Variants in GRK7 observed in about 807,000 individuals in gnomAD.
GRK7 encodes the protein rhodopsin kinase GRK7.
In GRK7, 24 loss-of-function variants were observed where a neutral mutation model predicts 34.1. That is an observed-to-expected ratio of 0.70 (90% CI 0.51 to 0.99). GRK7 has a LOEUF of 0.99. Ranked by LOEUF, GRK7 falls within the 50% of genes least tolerant of loss-of-function variation. The pLI, the probability that GRK7 is intolerant of heterozygous loss-of-function variation, is 0.00. For missense variants in GRK7, 644 were observed against 707.3 expected (o/e 0.91, Z 1.02); for synonymous variants, 256 against 279.4 (o/e 0.92, Z 0.84).
intron 4 of GRK7, among the ~76,000 whole-genome samples, chr3:141,786,308 T>A (rs927357120): frequency 5.3e-5 from 8 of 152,178 alleles, no homozygotes; most frequent in African/African-American, 1.9e-4. Context: ...AACTAAAGAA[T>A]GATTGTGACA....
At chr3:141,779,423 A>AAAAAAAAG (rs1553735436) in intron 3 of GRK7, among the ~76,000 whole-genome samples, 5 of 150,526 alleles carry the variant, frequency 3.3e-5, no homozygotes, top group African/African-American at 4.9e-5. Flanking sequence ...AAAAAAAAAA[A>AAAAAAAAG]AAAGAAAGAA....
intron 5 of GRK7, among the ~76,000 whole-genome samples, chr3:141,811,485 T>A (rs1711091660): frequency 6.6e-6 from 1 of 152,184 alleles, no homozygotes; most frequent in South Asian, 2.1e-4. Flanking sequence ...TGAAGCTGCT[T>A]CCTCAAGCAA....
At chr3:141,790,657 G>C (rs1371393763) in intron 4 of GRK7, among the ~76,000 whole-genome samples, 9 of 151,820 alleles carry the variant, frequency 5.9e-5, no homozygotes, top group Non-Finnish European at 1.2e-4. Context: ...TCTGCCTCCA[G>C]GGTTCAAGCA....
chr3:141,758,880 A>G (rs1459629043), upstream of GRK7, among the ~76,000 whole-genome samples: 2 of 151,192 alleles, frequency 1.3e-5, no homozygotes, highest in African/African-American at 4.9e-5. Flanking sequence ...CATCCCTTGT[A>G]AGTTGGATTC....
rs532281876 is a variant in GRK7, at chr3:141,803,952, G to A, written c.1051-3693G>A. On this transcript the variant is annotated intron_variant, in intron 4 of 5. Coordinates refer to ENST00000682958, the MANE Select transcript of GRK7 (RefSeq NM_139209.3). The stretch of plus-strand genomic sequence containing the variant: ...GTCTCAACTCCTGATCTCATGATCC[G>A]CCCGCCTCAGCCTCACAAAGTGCTG... 3.1e-3 allele frequency among the ~76,000 whole-genome samples: 465 copies of A among 151,968 alleles called. 6 individuals are homozygous for A. Among genetic ancestry groups the A allele is most frequent in the Non-Finnish European group, 5.1e-3 (345 of 67,956 alleles).
intron 4 of GRK7, among the ~76,000 whole-genome samples, chr3:141,798,595 G>A (rs1434213437): frequency 6.6e-6 from 1 of 152,198 alleles, no homozygotes; most frequent in East Asian, 1.9e-4. Context: ...GCAGGGCCCT[G>A]TGTAACTGCA....
At chr3:141,752,577 G>A in the GRK7 span, among the ~76,000 whole-genome samples, 70 of 152,236 alleles carry the variant, frequency 4.6e-4, 1 homozygote, top group South Asian at 3.7e-3. Context: ...CTAAAATATG[G>A]CCATTGATAA....
the GRK7 span, among the ~76,000 whole-genome samples, chr3:141,752,350 G>A: frequency 3.8e-4 from 58 of 152,278 alleles, no homozygotes; most frequent in African/African-American, 1.3e-3. Context: ...GGAGACATTT[G>A]TGGATGTCCA....
chr3:141,762,684 C>G (rs1311556209), upstream of GRK7, among the ~76,000 whole-genome samples: 23 of 151,982 alleles, frequency 1.5e-4, no homozygotes, highest in Non-Finnish European at 1.5e-5. Flanking sequence ...CTAAGCAAGC[C>G]TGGGCAATGG....
chr3:141,751,476 A>G, the GRK7 span, among the ~76,000 whole-genome samples: 1 of 152,224 alleles, frequency 6.6e-6, no homozygotes, highest in Non-Finnish European at 1.5e-5. Context: ...TTCTAAGAGA[A>G]GTAGAAGAGA....
In GRK7 at chr3:141,778,762, G is replaced by A; in HGVS notation, c.478G>A (p.Glu160Lys). The A allele has an allele frequency of 6.2e-7, 1 of 1,608,812 alleles. No individual in the cohort carries two copies. Among genetic ancestry groups the A allele is most frequent in the East Asian group, 2.2e-5 (1 of 44,840 alleles). ...GGCTGAGGCCATGGCTTTCTTGCAAGAGCAGCCCTTTAAGGATTTCGTGAC... is the reference window on the plus strand; with the variant it reads ...GGCTGAGGCCATGGCTTTCTTGCAAAAGCAGCCCTTTAAGGATTTCGTGAC... ...AKAEAMAFLQ[E>K]QPFKDFVTSA... The change falls in exon 3 of 6, where the codon GAG becomes AAG. Residue 160 changes from glutamate (E) to lysine (K), a missense_variant. Physicochemically the swap from Glu to Lys is moderately conservative, Grantham distance 56. Transcript: ENST00000682958. The surrounding 1 kb of genome is among the most constrained non-coding windows in gnomAD (Gnocchi z 4.1).
chr3:141,775,471 A>G (rs2084635137), intron 2 of GRK7, among the ~76,000 whole-genome samples: 1 of 152,208 alleles, frequency 6.6e-6, no homozygotes, highest in Non-Finnish European at 1.5e-5. Context: ...AGATGATAAG[A>G]AAAACTCCCT....
At chr3:141,786,086 G>A (rs1432736479) in intron 4 of GRK7, among the ~76,000 whole-genome samples, 3 of 152,084 alleles carry the variant, frequency 2.0e-5, no homozygotes, top group Non-Finnish European at 4.4e-5. Flanking sequence ...CATTAGCCAG[G>A]ACCATGTCAT....
Position 141,765,019 on chromosome 3 carries a change from T to C in GRK7, c.-934T>C, listed in dbSNP as rs2084573809. Among the ~76,000 whole-genome samples the C allele has an allele frequency of 6.6e-6, 1 of 152,226 alleles. No homozygotes were observed. Among genetic ancestry groups the C allele is most frequent in the Non-Finnish European group, 1.5e-5 (1 of 68,036 alleles). On this transcript the variant is annotated 5_prime_UTR_variant, in exon 1 of 6. Coordinates refer to ENST00000682958, the MANE Select transcript of GRK7 (RefSeq NM_139209.3). ...TTTTTCTGTTTTAACCCTTGCCCCT[T>C]CTGTCTGTGATCCTGTTAAAATGTC... is the stretch of plus-strand genomic sequence containing the variant.
rs1431024379 is a variant in GRK7, at chr3:141,807,796, A to G, written c.1202A>G (p.Glu401Gly). Residue 401 changes from glutamate to glycine, a missense_variant, in exon 5 of 6, where the codon GAG (glutamate) becomes GGG (glycine). By Grantham distance (98) the Glu-to-Gly change is moderately conservative. Transcript: ENST00000682958. ...FKDYKEKVSK[E>G]DLKQRTLQDE... ...GATTACAAGGAAAAGGTCAGTAAAG[A>G]GGATCTGAAGCAAAGAACTCTGCAA... 6.2e-7 allele frequency: 1 copy of G among 1,614,238 alleles called. No homozygotes were observed. The highest frequency in any genetic ancestry group is 1.3e-5 in the African/African-American group (1 of 75,058).
At chr3:141,769,866 C>T (rs2084608987) in intron 1 of GRK7, among the ~76,000 whole-genome samples, 1 of 152,176 alleles carries the variant, frequency 6.6e-6, no homozygotes, top group Admixed American at 6.5e-5. Flanking sequence ...CTGTGGCTGC[C>T]ATAATGAATT....
intron 4 of GRK7, among the ~76,000 whole-genome samples, chr3:141,804,543 C>T (rs1485804765): frequency 1.3e-5 from 2 of 152,002 alleles, no homozygotes; most frequent in Non-Finnish European, 2.9e-5. Flanking sequence ...CACACACACA[C>T]ATACACACAC....
intron 4 of GRK7, among the ~76,000 whole-genome samples, chr3:141,799,239 G>T (rs180793682): frequency 6.6e-5 from 10 of 152,308 alleles, no homozygotes; most frequent in Middle Eastern, 3.4e-3. Context: ...AGGGAGAAAA[G>T]AAATCCTGAA....
chr3:141,810,967 C>T (rs1422314065), intron 5 of GRK7, among the ~76,000 whole-genome samples: 3 of 152,130 alleles, frequency 2.0e-5, no homozygotes, highest in Non-Finnish European at 2.9e-5. Context: ...GTTTAGATGA[C>T]TTCCCTGAAG....
Sources: allele counts gnomAD v4.1 joint callset (sites outside exome capture counted in the v4.1 genomes callset), GRCh38; gene constraint gnomAD v4.1.1; non-coding constraint Gnocchi (gnomAD v3.1); transcripts MANE v1.5; gene names NCBI Gene and HGNC (gene_info 2026-07-23, HGNC 2026-07-21).